The following CDK15 variants were observed in gnomAD, a reference collection of about 807,000 sequenced individuals.
CDK15 encodes cyclin-dependent kinase 15.
A neutral mutation model predicts 60.3 loss-of-function variants in CDK15; 62 were observed. That is an observed-to-expected ratio of 1.03 (90% CI 0.84 to 1.27). CDK15 has a LOEUF of 1.27. CDK15 is among the 50% of genes most tolerant of loss of function. The pLI is 0.00. For synonymous variants in CDK15, 194 were observed against 195.7 expected (o/e 0.99, Z 0.07); for missense variants, 541 against 527.8 (o/e 1.03, Z -0.25).
intron 7 of CDK15, among the ~76,000 whole-genome samples, chr2:201,834,544 G>A (rs1300901320): frequency 2.0e-5 from 3 of 152,082 alleles, no homozygotes; most frequent in Non-Finnish European, 2.9e-5. Context: ...ATACATACAT[G>A]CATACATACA....
intron 4 of CDK15, among the ~76,000 whole-genome samples, chr2:201,819,263 G>A (rs911027655): frequency 4.6e-5 from 7 of 152,138 alleles, no homozygotes. Flanking sequence ...GAGGGAGGAT[G>A]AAGGCAGAGA....
intron 12 of CDK15, among the ~76,000 whole-genome samples, chr2:201,883,231 TTC>T (rs1180170020): frequency 1.3e-5 from 2 of 152,232 alleles, no homozygotes; most frequent in South Asian, 2.1e-4. Flanking sequence ...TTAAAATATA[TTC>T]TGTTTCCCCT....
At chr2:201,861,925 G>A (rs1411539498) in intron 10 of CDK15, among the ~76,000 whole-genome samples, 1 of 152,160 alleles carries the variant, frequency 6.6e-6, no homozygotes, top group African/African-American at 2.4e-5. Context: ...CCCAGTGACA[G>A]GTGTGTGAGA....
chr2:201,833,218 G>GT (rs66984519), intron 6 of CDK15, among the ~76,000 whole-genome samples: 8 of 144,514 alleles, frequency 5.5e-5, no homozygotes, highest in Non-Finnish European at 1.1e-4. Context: ...TTGAGGGGGG[G>GT]GGTCTAACTT....
At chr2:201,890,983 C>T (rs1362780164) in intron 13 of CDK15, 56 bp downstream of exon 13, 9 of 901,218 alleles carry the variant, frequency 1.0e-5, no homozygotes, top group Non-Finnish European at 1.4e-5. Flanking sequence ...GCAATTGGTG[C>T]CGGGTGGAGA....
chr2:201,874,236 C>T (rs1369970607), intron 11 of CDK15, among the ~76,000 whole-genome samples: 8 of 152,096 alleles, frequency 5.3e-5, no homozygotes, highest in Non-Finnish European at 5.9e-5. Flanking sequence ...TCAGTAGCCA[C>T]ATTGGAGTAG....
intron 4 of CDK15, among the ~76,000 whole-genome samples, chr2:201,816,467 T>TTTG (rs1309106012): frequency 1.3e-5 from 2 of 148,172 alleles, no homozygotes; most frequent in Non-Finnish European, 3.0e-5. Context: ...TTTTTTTTTT[T>TTTG]TTTTTTTTTT....
chr2:201,806,610 A>C lies in CDK15; in HGVS notation c.-55A>C. 1 of 1,513,566 alleles carries C rather than the reference A, an allele frequency of 6.6e-7. No homozygotes were observed. Among genetic ancestry groups the C allele is most frequent in the Non-Finnish European group, 8.9e-7 (1 of 1,127,602 alleles). 93.8% of individuals were successfully genotyped at this position (1,513,566 alleles called of 1,614,324 possible). ...CAAAAAGGGAGAGAACAAGGATAGG[A>C]GAGGCAGTGGGGGAAAGGTTCAAGT... is the stretch of plus-strand genomic sequence containing the variant. On this transcript the variant is annotated 5_prime_UTR_variant, in exon 1 of 14. Transcript: ENST00000652192.
intron 10 of CDK15, among the ~76,000 whole-genome samples, chr2:201,867,181 C>A (rs1389377668): frequency 6.6e-6 from 1 of 152,156 alleles, no homozygotes; most frequent in Non-Finnish European, 1.5e-5. Context: ...TAAATTCTTA[C>A]AACAACCTCA....
At chr2:201,851,537 C>T (rs1171617023) in intron 9 of CDK15, among the ~76,000 whole-genome samples, 5 of 152,172 alleles carry the variant, frequency 3.3e-5, no homozygotes, top group African/African-American at 1.2e-4. Flanking sequence ...CATCTCTGTC[C>T]TTGTGTCCTA....
chr2:201,818,070 A>G (rs959185968), intron 4 of CDK15, among the ~76,000 whole-genome samples: 48 of 152,200 alleles, frequency 3.2e-4, no homozygotes, highest in African/African-American at 1.1e-3. Flanking sequence ...TCCATCATTG[A>G]CTCATTATAT....
intron 10 of CDK15, chr2:201,860,917 A>T: frequency 7.5e-7 from 1 of 1,331,370 alleles, no homozygotes; most frequent in Non-Finnish European, 9.9e-7. Flanking sequence ...CCCCACTGGG[A>T]TGATAAAGAG....
chr2:201,867,489 G>C (rs376363374), intron 10 of CDK15, among the ~76,000 whole-genome samples: 10 of 152,124 alleles, frequency 6.6e-5, no homozygotes, highest in African/African-American at 1.9e-4. Flanking sequence ...GCCAGAAGTG[G>C]TGGTGTGCAC....
At chr2:201,852,433 G>C (rs932299309) in intron 9 of CDK15, among the ~76,000 whole-genome samples, 1 of 152,176 alleles carries the variant, frequency 6.6e-6, no homozygotes, top group Non-Finnish European at 1.5e-5. Flanking sequence ...TGAAGTGCCT[G>C]TAGTGTGTGT....
At chr2:201,821,320 CG>C (rs1696210096) in intron 4 of CDK15, among the ~76,000 whole-genome samples, 1 of 151,846 alleles carries the variant, frequency 6.6e-6, no homozygotes, top group Admixed American at 6.6e-5. Context: ...GGGTAGAGGC[CG>C]GGTCAGTTCC....
chr2:201,887,509 T>C (rs1050898897), intron 12 of CDK15, among the ~76,000 whole-genome samples: 19 of 152,220 alleles, frequency 1.2e-4, no homozygotes, highest in African/African-American at 3.9e-4. Context: ...TCTTCTTTTT[T>C]GTTTCCCAAC....
chr2:201,809,479 G>A (rs777926085), intron 3 of CDK15, among the ~76,000 whole-genome samples: 14 of 151,998 alleles, frequency 9.2e-5, no homozygotes, highest in Non-Finnish European at 1.8e-4. Flanking sequence ...TAGATCTCAC[G>A]AATACTTGAA....
rs114239289 is a variant in CDK15, at chr2:201,840,053, C to T, written c.851+4290C>T. 9.1e-3 allele frequency among the ~76,000 whole-genome samples: 1,382 copies of T among 151,794 alleles called. 19 individuals carry two copies. Among genetic ancestry groups the T allele is most frequent in the African/African-American group, 0.032 (1,311 of 41,414 alleles). On this transcript the variant is annotated intron_variant, in intron 8 of 13. Coordinates refer to ENST00000652192, the MANE Select transcript of CDK15 (RefSeq NM_001366386.2). ...TGCCTGGAATGCAGTGACTCAACCT[C>T]GGCTCACTGCAACCTCCACCTCCTG...
chr2:201,861,643 C>A, intron 10 of CDK15: 2 of 561,236 alleles, frequency 3.6e-6, no homozygotes, highest in African/African-American at 2.1e-5. Context: ...TCACCGCAGC[C>A]TCCGCCTCCT....
Sources: gnomAD v4.1 joint callset for allele counts (sites outside exome capture counted in the v4.1 genomes callset) on GRCh38, gnomAD v4.1.1 for gene constraint, MANE v1.5 for transcripts, NCBI Gene and HGNC (gene_info 2026-07-23, HGNC 2026-07-21) for gene names.